The following NCAM1 variants were observed in gnomAD, a reference collection of about 807,000 sequenced individuals.
NCAM1 encodes the protein antigen recognized by monoclonal antibody 5.1H11.
NCAM1 carries 14 observed loss-of-function variants against 109.8 expected under a neutral mutation model. The ratio of observed to expected loss-of-function variants is 0.13; its 90% CI spans 0.08 to 0.20. The LOEUF is 0.20. NCAM1 is among the 10% of genes least tolerant of loss of function. The pLI is 1.00. For synonymous variants in NCAM1, 418 were observed against 442.9 expected (o/e 0.94, Z 0.70); for missense variants, 774 against 1,109.9 (o/e 0.70, Z 4.30).
At chr11:113,211,904 G>A (rs528323044) in intron 7 of NCAM1, among the ~76,000 whole-genome samples, 55 of 152,302 alleles carry the variant, frequency 3.6e-4, no homozygotes, top group Admixed American at 3.3e-4. Flanking sequence ...AGGTGCAGTG[G>A]AACAGTCTGA....
intron 1 of NCAM1, among the ~76,000 whole-genome samples, chr11:113,055,324 G>A (rs1687342906): frequency 6.6e-6 from 1 of 152,162 alleles, no homozygotes; most frequent in South Asian, 2.1e-4. Context: ...GATTCTAGCT[G>A]ATCTACAGAG....
intron 1 of NCAM1, among the ~76,000 whole-genome samples, chr11:113,129,977 T>A (rs924810378): frequency 6.6e-6 from 1 of 152,200 alleles, no homozygotes; most frequent in Non-Finnish European, 1.5e-5. Context: ...TCACGTTTTT[T>A]AACAGCACTA....
At chr11:113,202,344 T>TTTTGTTTTG in intron 1 of NCAM1, 35 bp from the exon 2 acceptor site, 4 of 1,522,246 alleles carry the variant, frequency 2.6e-6, no homozygotes, top group Admixed American at 2.0e-5. Flanking sequence ...TTTTTTTTGT[T>TTTTGTTTTG]TTTTGTTTTG....
At chr11:113,055,611 C>T (rs1953669032) in intron 1 of NCAM1, among the ~76,000 whole-genome samples, 1 of 152,078 alleles carries the variant, frequency 6.6e-6, no homozygotes, top group South Asian at 2.1e-4. Context: ...TGGTGTGGAC[C>T]TACTCCAAGA....
chr11:113,229,177 C>A (rs1944931484), intron 9 of NCAM1, among the ~76,000 whole-genome samples: 1 of 152,170 alleles, frequency 6.6e-6, no homozygotes, highest in African/African-American at 2.4e-5. Context: ...TTTTTGCAAT[C>A]TACTCATCTG....
chr11:113,224,111 G>A (rs1245235268), intron 9 of NCAM1, among the ~76,000 whole-genome samples: 1 of 152,240 alleles, frequency 6.6e-6, no homozygotes, highest in Non-Finnish European at 1.5e-5. Context: ...AGCGCACCGA[G>A]CGTGAGCCGA....
intron 1 of NCAM1, among the ~76,000 whole-genome samples, chr11:113,060,292 G>A (rs1555083273): frequency 6.6e-6 from 1 of 152,106 alleles, no homozygotes; most frequent in East Asian, 1.9e-4. Context: ...GCTGCTGCCT[G>A]TTTTTTGGCA....
chr11:113,248,015 A>G (rs556612579), intron 15 of NCAM1, among the ~76,000 whole-genome samples: 40 of 152,238 alleles, frequency 2.6e-4, no homozygotes, highest in Admixed American at 7.8e-4. Flanking sequence ...TTCTTTTTTT[A>G]AAACAAGCTT....
At position 113,271,729 on chromosome 11, in the gene NCAM1, T is replaced by C. The variant is rs1946280084; in HGVS notation, c.2340-31T>C. ...TGGGAGCCCCTCCCTGCAGCTGCCC[T>C]AGGGTCTAACCAGCAGTACTGTCTC... On this transcript the variant is annotated intron_variant, in intron 18 of 19. Transcript: ENST00000316851. 2.0e-6 allele frequency: 3 copies of C among 1,522,896 alleles called. No homozygotes were observed. In the African/African-American group the frequency reaches 4.1e-5, roughly 21 times the overall value. The allele number at this position is 1,522,896 out of a possible 1,614,324, so 94.3% of individuals were successfully genotyped here.
chr11:113,012,645 G>A (rs1223673024), intron 1 of NCAM1, among the ~76,000 whole-genome samples: 1 of 152,132 alleles, frequency 6.6e-6, no homozygotes, highest in African/African-American at 2.4e-5. Context: ...TCCTTGGCTG[G>A]CAACTGCCTC....
At chr11:113,050,708 G>A (rs1399521609) in intron 1 of NCAM1, among the ~76,000 whole-genome samples, 1 of 152,140 alleles carries the variant, frequency 6.6e-6, no homozygotes, top group Non-Finnish European at 1.5e-5. Context: ...TCACCCAGAT[G>A]CTGTTTTGCC....
At chr11:113,192,210 G>C (rs1943699883) in intron 1 of NCAM1, among the ~76,000 whole-genome samples, 1 of 152,134 alleles carries the variant, frequency 6.6e-6, no homozygotes, top group African/African-American at 2.4e-5. Flanking sequence ...ACATCGTCTG[G>C]AGCCTCCTGG....
intron 1 of NCAM1, among the ~76,000 whole-genome samples, chr11:112,968,647 A>C (rs1950790288): frequency 6.6e-6 from 1 of 152,180 alleles, no homozygotes; most frequent in Non-Finnish European, 1.5e-5. Flanking sequence ...AGTACAGAGA[A>C]ATATAGACAT....
chr11:112,975,877 A>G (rs1950993458), intron 1 of NCAM1, among the ~76,000 whole-genome samples: 1 of 152,128 alleles, frequency 6.6e-6, no homozygotes, highest in South Asian at 2.1e-4. Flanking sequence ...AGTTAGACAT[A>G]TGCATTATTT....
intron 1 of NCAM1, among the ~76,000 whole-genome samples, chr11:113,116,917 C>T (rs1386398861): frequency 6.6e-6 from 1 of 151,736 alleles, no homozygotes; most frequent in Non-Finnish European, 1.5e-5. Flanking sequence ...TTAAAATATG[C>T]CTCTTTATGA....
At chr11:113,210,850 C>T (rs1007561681) in intron 7 of NCAM1, among the ~76,000 whole-genome samples, 21 of 150,842 alleles carry the variant, frequency 1.4e-4, no homozygotes, top group African/African-American at 5.1e-4. Flanking sequence ...CCCGAAACTG[C>T]AGCTGGAAGA....
intron 16 of NCAM1, 178 bp from the exon 17 acceptor site, chr11:113,259,968 T>G (rs1367404124): frequency 3.8e-6 from 2 of 524,174 alleles, no homozygotes; most frequent in African/African-American, 4.0e-5. Context: ...CCTCCCAAGG[T>G]GGCTAGGATT....
intron 1 of NCAM1, among the ~76,000 whole-genome samples, chr11:113,019,998 C>A (rs552692198): frequency 1.3e-5 from 2 of 152,216 alleles, no homozygotes; most frequent in South Asian, 4.2e-4. Context: ...ATTTCACTTC[C>A]CATTCTGTGA....
At chr11:113,083,407 A>G (rs1938933129) in intron 1 of NCAM1, among the ~76,000 whole-genome samples, 1 of 152,200 alleles carries the variant, frequency 6.6e-6, no homozygotes, top group Non-Finnish European at 1.5e-5. Flanking sequence ...GGAGGTGAGT[A>G]TGACACTATT....
Sources: allele counts gnomAD v4.1 joint callset (sites outside exome capture counted in the v4.1 genomes callset), GRCh38; gene constraint gnomAD v4.1.1; transcripts MANE v1.5; gene names NCBI Gene and HGNC (gene_info 2026-07-23, HGNC 2026-07-21).